SLC9A9: variants seen among roughly 807,000 people sequenced by gnomAD.
SLC9A9 encodes the protein sodium/hydrogen exchanger 9.
Under a neutral mutation model 77.8 loss-of-function variants are expected in SLC9A9, and 62 were observed. The observed-to-expected ratio is 0.80, with a 90% CI of 0.65 to 0.98. The LOEUF (loss-of-function observed/expected upper bound fraction) is 0.98. Among genes scored for constraint, SLC9A9 ranks in the 50% least tolerant of loss-of-function variants. The probability of loss-of-function intolerance (pLI) is 0.00; values close to 1 mark genes in which losing one functional copy is unlikely to be tolerated. For missense variants in SLC9A9, 775 were observed against 774.9 expected, an observed-to-expected ratio of 1.00 and a Z score of 0.00; for synonymous variants, 320 against 283.5, an observed-to-expected ratio of 1.13 and a Z score of -1.29.
chr3:143,679,800 A>C (rs1933022429), intron 5 of SLC9A9, among the ~76,000 whole-genome samples: 1 of 152,196 alleles, frequency 6.6e-6, no homozygotes, highest in African/African-American at 2.4e-5. Flanking sequence ...ACAAACAAAA[A>C]ACGGAAGTAT....
At chr3:143,305,359 C>T (rs960573900) in intron 14 of SLC9A9, among the ~76,000 whole-genome samples, 1 of 152,164 alleles carries the variant, frequency 6.6e-6, no homozygotes. Context: ...CTACCACATT[C>T]ATTCTCCTTG....
chr3:143,692,454 A>C (rs915245841), intron 5 of SLC9A9, among the ~76,000 whole-genome samples: 1 of 152,178 alleles, frequency 6.6e-6, no homozygotes, highest in Non-Finnish European at 1.5e-5. Flanking sequence ...TTGCTTTAAC[A>C]TAATCCAGTC....
chr3:143,605,540 T>C (rs1019553241), intron 6 of SLC9A9, among the ~76,000 whole-genome samples: 1 of 152,230 alleles, frequency 6.6e-6, no homozygotes. Context: ...TGTGTAAAAT[T>C]TGCCAATTTT....
chr3:143,809,073 G>A (rs2108870337), intron 2 of SLC9A9, among the ~76,000 whole-genome samples: 1 of 152,198 alleles, frequency 6.6e-6, no homozygotes, highest in Admixed American at 6.5e-5. Flanking sequence ...AGGCTTCTTT[G>A]AGAATATATC....
rs62267239 is a variant in SLC9A9, at chr3:143,725,248, A to G, written c.534-31941T>C. Reference sequence around the variant, plus strand: ...AAGTCAGGAAACAACAGGTGCTGGAAAGGATGTGGAGAAATAGGAACACTT... The same window carrying G: ...AAGTCAGGAAACAACAGGTGCTGGAGAGGATGTGGAGAAATAGGAACACTT... On this transcript the variant is annotated intron_variant, in intron 4 of 15. Transcript: ENST00000316549. Among the ~76,000 whole-genome samples the G allele has an allele frequency of 4.0e-3, 605 of 152,122 alleles. 1 individual carries two copies. The highest frequency in any genetic ancestry group is 0.01 in the African/African-American group (429 of 41,462).
intron 2 of SLC9A9, chr3:143,811,603 T>A (rs1481899632): frequency 1.1e-5 from 5 of 446,332 alleles, no homozygotes; most frequent in African/African-American, 1.0e-4. Flanking sequence ...CCCAGTACTT[T>A]GGGAGGCCGA....
chr3:143,272,199 T>C lies in SLC9A9; in HGVS notation c.1605-3219A>G, dbSNP rs1937917020. 2.0e-5 allele frequency among the ~76,000 whole-genome samples: 3 copies of C among 152,220 alleles called. No homozygotes were observed. The South Asian group carries it at 6.2e-4, about 32-fold the overall frequency. On this transcript the variant is annotated intron_variant, in intron 14 of 15. Coordinates refer to ENST00000316549, the MANE Select transcript of SLC9A9 (RefSeq NM_173653.4). ...GTTTTCTTTCACTCACTCATTCATT[T>C]GTTCCATCATACACTCACAGGTTTT...
At chr3:143,560,097 G>A (rs998241129) in intron 8 of SLC9A9, among the ~76,000 whole-genome samples, 3 of 152,214 alleles carry the variant, frequency 2.0e-5, no homozygotes, top group African/African-American at 7.2e-5. Context: ...AATCCACAAG[G>A]CAATGATTTC....
intron 12 of SLC9A9, among the ~76,000 whole-genome samples, chr3:143,409,914 G>A (rs2034059824): frequency 6.6e-6 from 1 of 152,192 alleles, no homozygotes; most frequent in Non-Finnish European, 1.5e-5. Context: ...TGAAAACTTA[G>A]ATTGAGCTGA....
chr3:143,661,728 T>C (rs2038980863), intron 5 of SLC9A9, among the ~76,000 whole-genome samples: 1 of 152,174 alleles, frequency 6.6e-6, no homozygotes. Context: ...TTTCCTTATG[T>C]TGGCCAGGCT....
At chr3:143,711,848 G>T (rs1014209408) in intron 4 of SLC9A9, among the ~76,000 whole-genome samples, 1 of 152,190 alleles carries the variant, frequency 6.6e-6, no homozygotes, top group African/African-American at 2.4e-5. Context: ...GCTAAGGCTT[G>T]TTATTCACAA....
At chr3:143,396,595 T>C (rs758442321) in intron 12 of SLC9A9, among the ~76,000 whole-genome samples, 20 of 151,928 alleles carry the variant, frequency 1.3e-4, no homozygotes, top group Non-Finnish European at 2.4e-4. Context: ...AGTATAATAA[T>C]AAAAAAAATT....
chr3:143,413,461 C>T (rs1225916041), intron 12 of SLC9A9, among the ~76,000 whole-genome samples: 2 of 152,264 alleles, frequency 1.3e-5, no homozygotes, highest in Non-Finnish European at 2.9e-5. Context: ...AGACTCCCAC[C>T]TCAGAGAGAT....
At chr3:143,585,209 T>A (rs1052165114) in intron 6 of SLC9A9, among the ~76,000 whole-genome samples, 7 of 152,190 alleles carry the variant, frequency 4.6e-5, no homozygotes, top group Non-Finnish European at 5.9e-5. Flanking sequence ...TCAGTGCCTG[T>A]CACCCCTCAG....
intron 9 of SLC9A9, among the ~76,000 whole-genome samples, chr3:143,496,976 G>A (rs980879222): frequency 1.1e-4 from 17 of 152,158 alleles, no homozygotes; most frequent in African/African-American, 3.6e-4. Context: ...ACCGAGGAGA[G>A]AGAGATCATC....
intron 4 of SLC9A9, among the ~76,000 whole-genome samples, chr3:143,764,969 T>TC (rs1177862159): frequency 8.5e-6 from 1 of 117,504 alleles, no homozygotes; most frequent in African/African-American, 4.0e-5. Flanking sequence ...TGTTTCTCTT[T>TC]CTTTCCTTCC....
chr3:143,688,823 T>C (rs1327577011), intron 5 of SLC9A9, among the ~76,000 whole-genome samples: 1 of 152,154 alleles, frequency 6.6e-6, no homozygotes, highest in Non-Finnish European at 1.5e-5. Context: ...CCAGGAAAAC[T>C]GTTTGTAACT....
chr3:143,790,059 G>A (rs2008171739), intron 4 of SLC9A9, among the ~76,000 whole-genome samples: 1 of 152,048 alleles, frequency 6.6e-6, no homozygotes, highest in African/African-American at 2.4e-5. Context: ...TAGATCATGG[G>A]GGTGGTACCC....
Position 143,490,330 on chromosome 3 carries a change from A to G in SLC9A9, c.1315+3323T>C, listed in dbSNP as rs557672346. 2.6e-5 allele frequency among the ~76,000 whole-genome samples: 4 copies of G among 152,214 alleles called. No individual in the cohort carries two copies. In the South Asian group the frequency reaches 8.3e-4, roughly 32 times the overall value. ...GTGATCTATACATGCAATGAATATT[A>G]TTCAGCCTTTTTAACAGGAAGGAAA... On this transcript the variant is annotated intron_variant, in intron 11 of 15. Transcript: ENST00000316549.
Sources: gnomAD v4.1 joint callset for allele counts (sites outside exome capture counted in the v4.1 genomes callset) on GRCh38, gnomAD v4.1.1 for gene constraint, MANE v1.5 for transcripts, NCBI Gene and HGNC (gene_info 2026-07-23, HGNC 2026-07-21) for gene names.